Variants in PLXNA4 observed in about 807,000 individuals in gnomAD.
The protein encoded by PLXNA4 is plexin-A4.
In PLXNA4, 44 loss-of-function variants were observed where a neutral mutation model predicts 191.8. The observed-to-expected ratio is 0.23, with a 90% CI of 0.18 to 0.29. The LOEUF is 0.29. Ranked by LOEUF, PLXNA4 falls within the 10% of genes least tolerant of loss-of-function variation. The pLI, the probability that PLXNA4 is intolerant of heterozygous loss-of-function variation, is 1.00. For missense variants in PLXNA4, 1,800 were observed against 2,488.8 expected, an observed-to-expected ratio of 0.72 and a Z score of 5.89; for synonymous variants, 1,082 against 1,009.5, an observed-to-expected ratio of 1.07 and a Z score of -1.36.
chr7:132,167,246 C>T (rs1023397144), intron 22 of PLXNA4, among the ~76,000 whole-genome samples: 7 of 152,120 alleles, frequency 4.6e-5, no homozygotes, highest in African/African-American at 1.2e-4. Context: ...TCCTATAAGG[C>T]GAAAGTCATA....
rs139686592 is a variant in PLXNA4, at chr7:132,425,739, G to A, written c.1371+63553C>T. On this transcript the variant is annotated intron_variant, in intron 3 of 31. Transcript: ENST00000321063. ...AACAGAGAAGAAAGAAACATTTGAG[G>A]AAACTGAGAGAAAGGAACCAAAGCC... Among the ~76,000 whole-genome samples the A allele has an allele frequency of 7.2e-3, 1,100 of 152,342 alleles. 13 individuals carry two copies. Among genetic ancestry groups the A allele is most frequent in the African/African-American group, 0.025 (1,024 of 41,570 alleles).
chr7:132,494,767 C>T (rs1456632331), intron 2 of PLXNA4, among the ~76,000 whole-genome samples: 1 of 152,218 alleles, frequency 6.6e-6, no homozygotes, highest in Non-Finnish European at 1.5e-5. Context: ...TCCCACTCTG[C>T]AGAGAGATTG....
rs528769920 is a variant in PLXNA4, at chr7:132,304,814, C to T, written c.1372-6592G>A. On this transcript the variant is annotated intron_variant, in intron 3 of 31. Transcript: ENST00000321063. ...CCTCCCTCCCCCCTGTCCTCTGCTGCAACCCCTTTGTGTCTCCCAGGGACC... is the reference window on the plus strand; with the variant it reads ...CCTCCCTCCCCCCTGTCCTCTGCTGTAACCCCTTTGTGTCTCCCAGGGACC... Among the ~76,000 whole-genome samples, 28 of 151,882 alleles carry T rather than the reference C, an allele frequency of 1.8e-4. No homozygotes were observed. The South Asian group carries it at 4.2e-3, about 23-fold the overall frequency.
intron 25 of PLXNA4, among the ~76,000 whole-genome samples, chr7:132,157,957 G>T (rs1795843330): frequency 6.6e-6 from 1 of 152,128 alleles, no homozygotes; most frequent in Non-Finnish European, 1.5e-5. Flanking sequence ...AGACACACAG[G>T]TCTGGTCTGG....
intron 31 of PLXNA4, among the ~76,000 whole-genome samples, chr7:132,131,466 T>G (rs1794924023): frequency 6.8e-6 from 1 of 147,690 alleles, no homozygotes. Flanking sequence ...GACAATTGGG[T>G]GGAACCTACT....
At chr7:132,243,490 T>G (rs1197214215) in intron 4 of PLXNA4, among the ~76,000 whole-genome samples, 1 of 152,240 alleles carries the variant, frequency 6.6e-6, no homozygotes, top group Non-Finnish European at 1.5e-5. Context: ...CAAAAACCTT[T>G]GCATTCAGAT....
intron 4 of PLXNA4, among the ~76,000 whole-genome samples, chr7:132,250,892 C>T (rs945913069): frequency 1.2e-4 from 18 of 152,224 alleles, no homozygotes; most frequent in African/African-American, 2.6e-4. Context: ...GGCCAAAATG[C>T]TCATTCTTGA....
At chr7:132,280,889 GTTCTTTGAGCA>G (rs1800454808) in intron 4 of PLXNA4, among the ~76,000 whole-genome samples, 1 of 152,018 alleles carries the variant, frequency 6.6e-6, no homozygotes, top group Non-Finnish European at 1.5e-5. Flanking sequence ...ATAGTAAAAA[GTTCTTTGAGCA>G]TGCACCTACA....
At chr7:132,183,918 G>A (rs987808773) in intron 16 of PLXNA4, among the ~76,000 whole-genome samples, 107 of 152,344 alleles carry the variant, frequency 7.0e-4, no homozygotes, top group Middle Eastern at 3.4e-3. Context: ...GGTCCCTGTC[G>A]CAGTTACTCA....
Position 132,280,587 on chromosome 7 carries a change from A to G in PLXNA4, c.1503+17504T>C, listed in dbSNP as rs73723768. The stretch of plus-strand genomic sequence containing the variant: ...CTCAAATTCCTATAGTGACTCTCAG[A>G]GAGAATCTTCCATCTGTTCTTCAGG... On this transcript the variant is annotated intron_variant, in intron 4 of 31. Transcript: ENST00000321063. Among the ~76,000 whole-genome samples the G allele has an allele frequency of 8.0e-3, 1,218 of 152,306 alleles. 16 individuals carry two copies. Among genetic ancestry groups the G allele is most frequent in the African/African-American group, 0.028 (1,146 of 41,566 alleles).
intron 3 of PLXNA4, among the ~76,000 whole-genome samples, chr7:132,413,136 C>T (rs981457454): frequency 6.6e-6 from 1 of 152,200 alleles, no homozygotes; most frequent in Non-Finnish European, 1.5e-5. Context: ...ACTATTCTTC[C>T]CTGAGTGTTA....
At position 132,395,992 on chromosome 7, in the gene PLXNA4, C is replaced by G. The variant is rs576367490; in HGVS notation, c.1371+93300G>C. Among the ~76,000 whole-genome samples, 6 of 152,322 alleles carry G rather than the reference C, an allele frequency of 3.9e-5. No homozygotes were observed. In the East Asian group the frequency reaches 1.2e-3, roughly 29 times the overall value. ...CCATAGTTTGGTGAGATATAAATTTCTGGTCCTTTAAGCCTCACTGGAGAT... is the reference window on the plus strand; with the variant it reads ...CCATAGTTTGGTGAGATATAAATTTGTGGTCCTTTAAGCCTCACTGGAGAT... On this transcript the variant is annotated intron_variant, in intron 3 of 31. Coordinates refer to ENST00000321063, the MANE Select transcript of PLXNA4 (RefSeq NM_020911.2).
At chr7:132,151,313 G>A (rs1217304708) in intron 25 of PLXNA4, among the ~76,000 whole-genome samples, 2 of 49,000 alleles carry the variant, frequency 4.1e-5, no homozygotes, top group Admixed American at 1.9e-4. Flanking sequence ...GGAGGAAGAA[G>A]GAGGAGGAGG....
rs1006392802 is a variant in PLXNA4, at chr7:132,321,742, G to A, written c.1372-23520C>T. Reference sequence around the variant, plus strand: ...AGGTTTTAAAGATGTGTCTGTGGTTGAGGGTGGGGAGGGGCAAAAAGGAGG... The same window carrying A: ...AGGTTTTAAAGATGTGTCTGTGGTTAAGGGTGGGGAGGGGCAAAAAGGAGG... On this transcript the variant is annotated intron_variant, in intron 3 of 31. Transcript: ENST00000321063. 2.6e-5 allele frequency among the ~76,000 whole-genome samples: 4 copies of A among 152,332 alleles called. No homozygotes were observed. In the South Asian group the frequency reaches 8.3e-4, roughly 32 times the overall value.
chr7:132,633,635 GA>G (rs1365529494), intron 2 of PLXNA4, among the ~76,000 whole-genome samples: 1 of 152,104 alleles, frequency 6.6e-6, no homozygotes, highest in Non-Finnish European at 1.5e-5. Flanking sequence ...TGTCATCAAG[GA>G]TATATTCAGG....
intron 10 of PLXNA4, among the ~76,000 whole-genome samples, chr7:132,204,748 C>T (rs898977175): frequency 2.6e-5 from 4 of 152,170 alleles, no homozygotes; most frequent in African/African-American, 9.7e-5. Context: ...TGGGCAGGGA[C>T]AGGTCTGCAC....
chr7:132,314,417 C>G (rs193138128), intron 3 of PLXNA4, among the ~76,000 whole-genome samples: 1 of 152,324 alleles, frequency 6.6e-6, no homozygotes, highest in South Asian at 2.1e-4. Context: ...CCCCACAGAC[C>G]TTCCCCTTGG....
chr7:132,350,523 TA>T (rs1389139613), intron 3 of PLXNA4, among the ~76,000 whole-genome samples: 1 of 151,758 alleles, frequency 6.6e-6, no homozygotes, highest in Admixed American at 6.6e-5. Flanking sequence ...AAATAAAAAA[TA>T]AAAAAATAAA....
chr7:132,257,364 C>T (rs971482464), intron 4 of PLXNA4, among the ~76,000 whole-genome samples: 1 of 152,222 alleles, frequency 6.6e-6, no homozygotes, highest in Non-Finnish European at 1.5e-5. Context: ...TCTCCTTCTA[C>T]ATGACACACA....
Sources: gnomAD v4.1 joint callset for allele counts (sites outside exome capture counted in the v4.1 genomes callset) on GRCh38, gnomAD v4.1.1 for gene constraint, MANE v1.5 for transcripts, NCBI Gene and HGNC (gene_info 2026-07-23, HGNC 2026-07-21) for gene names.